Variants in EDRF1 observed in about 807,000 individuals in gnomAD.
EDRF1 encodes erythroid differentiation-related factor 1.
In EDRF1, 69 loss-of-function variants were observed where a neutral mutation model predicts 148.7. The observed-to-expected ratio is 0.46, with a 90% CI of 0.38 to 0.57. The LOEUF is 0.57. EDRF1 is among the 20% of genes least tolerant of loss of function. The pLI is 0.00. For missense variants in EDRF1, 1,118 were observed against 1,478.7 expected, an observed-to-expected ratio of 0.76 and a Z score of 4.00; for synonymous variants, 515 against 532.8, an observed-to-expected ratio of 0.97 and a Z score of 0.46.
At chr10:125,752,563 G>C (rs1849696246) in intron 22 of EDRF1, among the ~76,000 whole-genome samples, 1 of 152,192 alleles carries the variant, frequency 6.6e-6, no homozygotes, top group Non-Finnish European at 1.5e-5. Context: ...AAAGTGGCCT[G>C]TCTTGACAAA....
chr10:125,756,784 T>A (rs951509053), intron 24 of EDRF1: 6 of 423,774 alleles, frequency 1.4e-5, no homozygotes, highest in Non-Finnish European at 2.8e-5. Context: ...AATAGTTGGG[T>A]CTTGCTTTTT....
chr10:125,760,392 C>T (rs1291336766), intron 24 of EDRF1, among the ~76,000 whole-genome samples: 2 of 152,104 alleles, frequency 1.3e-5, no homozygotes, highest in Non-Finnish European at 2.9e-5. Flanking sequence ...GGAAGGTTTT[C>T]TAAGCTTCTG....
At chr10:125,751,477 G>A (rs747184552) in intron 22 of EDRF1, among the ~76,000 whole-genome samples, 38 of 148,304 alleles carry the variant, frequency 2.6e-4, no homozygotes, top group African/African-American at 8.7e-4. Context: ...TTGTCTGGTC[G>A]TTGTCCCAAC....
chr10:125,730,412 G>A lies in EDRF1; in HGVS notation c.1128+13G>A, dbSNP rs777743988. On this transcript the variant is annotated intron_variant, in intron 9 of 24. Transcript: ENST00000356792. ...TGGAATTGTACAGGTAAGATACAGT[G>A]TGATTTTTCTGATCTCTCAAATGCA... The A allele has an allele frequency of 4.4e-6, 7 of 1,599,934 alleles. No individual in the cohort carries two copies. In the South Asian group the frequency reaches 4.4e-5, roughly 10 times the overall value.
rs1366356695 is a variant in EDRF1, at chr10:125,763,607, A to T, written c.*135A>T. 14 of 1,034,298 alleles carry T rather than the reference A, an allele frequency of 1.4e-5. No homozygotes were observed. The highest frequency in any genetic ancestry group is 1.8e-5 in the Non-Finnish European group (13 of 707,660). 64.1% of individuals were successfully genotyped at this position (1,034,298 alleles called of 1,614,324 possible). Reference sequence around the variant, plus strand: ...GGTATATCAGTGGAAACACAGAGTTATTTTAAGTGACAGACAAATTACGGT... The same window carrying T: ...GGTATATCAGTGGAAACACAGAGTTTTTTTAAGTGACAGACAAATTACGGT... On this transcript the variant is annotated 3_prime_UTR_variant, in exon 25 of 25. Transcript: ENST00000356792. The surrounding 1 kb of genome is among the most constrained non-coding windows in gnomAD (Gnocchi z 4.3).
At chr10:125,743,801 G>A (rs1344572184) in intron 18 of EDRF1, among the ~76,000 whole-genome samples, 8 of 152,186 alleles carry the variant, frequency 5.3e-5, no homozygotes, top group Non-Finnish European at 1.2e-4. Context: ...AGGAGGCGGT[G>A]TGAGGAAGAA....
chr10:125,733,051 C>A (rs930341396), intron 9 of EDRF1, among the ~76,000 whole-genome samples: 4 of 152,094 alleles, frequency 2.6e-5, no homozygotes, highest in African/African-American at 9.7e-5. Context: ...GTAAAGCCTA[C>A]CTTCATTTAC....
In EDRF1 at chr10:125,738,297, T is replaced by C. The variant is rs1219637630; in HGVS notation, c.1833T>C (p.Gly611=). The C allele has an allele frequency of 6.2e-7, 1 of 1,613,950 alleles. No individual in the cohort carries two copies. The highest frequency in any genetic ancestry group is 1.7e-5 in the Admixed American group (1 of 59,986). The change falls in exon 15 of 25, where the codon GGT becomes GGC. Residue 611 remains glycine, a splice_region_variant and synonymous_variant. Transcript: ENST00000356792. ...CRLVLSYVLE[G]LKSVDSSIKK... ...GAATGCTTTTCCTTTTTTTGCAGGG[T>C]TTAAAATCTGTCGATAGCAGCATCA...
At chr10:125,758,935 C>T (rs967653284) in intron 24 of EDRF1, among the ~76,000 whole-genome samples, 1 of 152,140 alleles carries the variant, frequency 6.6e-6, no homozygotes, top group African/African-American at 2.4e-5. Context: ...CTGTTCCCTT[C>T]CCCTCTCTTC....
rs369408458 is a variant in EDRF1 at position 125,719,759 on chromosome 10, C to T, written c.-49C>T. 7.1e-5 allele frequency: 106 copies of T among 1,498,812 alleles called. 1 individual carries two copies. The highest frequency in any genetic ancestry group is 3.5e-4 in the Middle Eastern group (2 of 5,646). The allele number at this position is 1,498,812 out of a possible 1,614,324, so 92.8% of individuals were successfully genotyped here. A position where few individuals can be genotyped will look rare whatever the true frequency, so the allele number is the denominator to read the frequency against. On this transcript the variant is annotated 5_prime_UTR_variant, in exon 1 of 25. Coordinates refer to ENST00000356792, the MANE Select transcript of EDRF1 (RefSeq NM_001202438.2). ...ACCCTGCTTTGGGCCTGCGTTGCTG[C>T]TGCTGCTCCTCCGCTCCCCCGTCGT...
chr10:125,742,306 A>G (rs1322889529), intron 17 of EDRF1: 7 of 1,280,724 alleles, frequency 5.5e-6, no homozygotes, highest in South Asian at 1.3e-5. Flanking sequence ...CCACGCTGCC[A>G]TTAACACAGT....
At chr10:125,724,362 A>G (rs1848153290) in intron 4 of EDRF1, among the ~76,000 whole-genome samples, 2 of 152,240 alleles carry the variant, frequency 1.3e-5, no homozygotes, top group Admixed American at 6.5e-5. Context: ...CGTTTCAGTC[A>G]GCGATGGACT....
Position 125,763,234 on chromosome 10 carries a change from TG to T in EDRF1, c.3546-65del. 1 of 1,505,232 alleles carries T rather than the reference TG, an allele frequency of 6.6e-7. No homozygotes were observed. The highest frequency in any genetic ancestry group is 9.2e-7 in the Non-Finnish European group (1 of 1,092,670). 93.2% of individuals were successfully genotyped at this position (1,505,232 alleles called of 1,614,324 possible). A position where few individuals can be genotyped will look rare whatever the true frequency, so the allele number is the denominator to read the frequency against. ...GTTGGGCTGTCACTGTCCGGTTTTC[TG>T]GACCTCTGAATTGTCGGTAGGCATT... On this transcript the variant is annotated intron_variant, in intron 24 of 24. Coordinates refer to ENST00000356792, the MANE Select transcript of EDRF1 (RefSeq NM_001202438.2). This position sits in a 1 kb window ranked among gnomAD's most constrained non-coding sequence, Gnocchi z 4.3.
chr10:125,747,314 G>C (rs1187562656), intron 19 of EDRF1: 2 of 570,952 alleles, frequency 3.5e-6, no homozygotes, highest in Non-Finnish European at 6.2e-6. Flanking sequence ...TTGTAGCCTT[G>C]AGATGGGAAC....
At chr10:125,745,519 A>G in intron 18 of EDRF1, 188 bp from the exon 19 acceptor site, 1 of 627,006 alleles carries the variant, frequency 1.6e-6, no homozygotes, top group Non-Finnish European at 2.8e-6. Context: ...CAACATATGA[A>G]CTCATATGGA....
At position 125,723,143 on chromosome 10, in the gene EDRF1, T is replaced by C. The variant is rs1172289816; in HGVS notation, c.384+9T>C. 3 of 1,612,366 alleles carry C rather than the reference T, an allele frequency of 1.9e-6. No homozygotes were observed. In the African/African-American group the frequency reaches 4.0e-5, roughly 22 times the overall value. ...TTGTCTCTGACTCTGAAGTAAGTGTTATTTGTCGCTTAATGTAATTTTGGA... is the reference window on the plus strand; with the variant it reads ...TTGTCTCTGACTCTGAAGTAAGTGTCATTTGTCGCTTAATGTAATTTTGGA... On this transcript the variant is annotated intron_variant, in intron 3 of 24. Transcript: ENST00000356792.
Position 125,721,356 on chromosome 10 carries a change from A to C in EDRF1, c.261A>C (p.Leu87=). 1 of 1,614,234 alleles carries C rather than the reference A, an allele frequency of 6.2e-7. No homozygotes were observed. The highest frequency in any genetic ancestry group is 8.5e-7 in the Non-Finnish European group (1 of 1,180,048). ...ACTGGTTACGAGAGAGTGCCAAACT[A>C]GGGCCAGCAGGAACTACCATTCTTG... ...PANWLRESAK[L]GPAGTTILGN... Residue 87 remains leucine (L), a synonymous_variant, in exon 2 of 25, where the codon CTA becomes CTC. Coordinates refer to ENST00000356792, the MANE Select transcript of EDRF1 (RefSeq NM_001202438.2).
chr10:125,747,743 T>C, intron 20 of EDRF1, 49 bp downstream of exon 20: 1 of 1,612,192 alleles, frequency 6.2e-7, no homozygotes, highest in South Asian at 1.1e-5. Context: ...CTAATTCCCT[T>C]GTTTAACAAA....
In EDRF1 at chr10:125,745,857, C is replaced by T. The variant is rs1352037052; in HGVS notation, c.2741C>T (p.Ala914Val). The change falls in exon 19 of 25, where the codon GCG becomes GTG. Residue 914 changes from alanine to valine, a missense_variant. Coordinates refer to ENST00000356792, the MANE Select transcript of EDRF1 (RefSeq NM_001202438.2). ...CNTGRLMRIC[A>V]QAHCGAGDEL... is the part of the protein sequence containing the mutation. ...ACGGGAAGGCTCATGCGGATTTGTG[C>T]GCAGGCCCACTGTGGTGCAGGGGAT... The T allele has an allele frequency of 1.2e-6, 2 of 1,614,204 alleles. No individual in the cohort carries two copies. The highest frequency in any genetic ancestry group is 1.7e-5 in the Admixed American group (1 of 60,024).
Sources: gnomAD v4.1 joint callset for allele counts (sites outside exome capture counted in the v4.1 genomes callset) on GRCh38, gnomAD v4.1.1 for gene constraint, Gnocchi (gnomAD v3.1) non-coding constraint, MANE v1.5 for transcripts, NCBI Gene and HGNC (gene_info 2026-07-23, HGNC 2026-07-21) for gene names.